Variants in KCNQ1 observed in about 807,000 individuals in gnomAD.
KCNQ1 encodes the protein potassium voltage-gated channel subfamily KQT member 1.
Under a neutral mutation model 72.4 loss-of-function variants are expected in KCNQ1, and 49 were observed. That is an observed-to-expected ratio of 0.68 (90% confidence interval 0.54 to 0.86). KCNQ1 has a LOEUF of 0.86. Ranked by LOEUF, KCNQ1 falls within the 40% of genes least tolerant of loss-of-function variation. KCNQ1 has a pLI of 0.00. For synonymous variants in KCNQ1, 450 were observed against 412.6 expected, an observed-to-expected ratio of 1.09 and a Z score of -1.10; for missense variants, 790 against 945.1, an observed-to-expected ratio of 0.84 and a Z score of 2.15.
In KCNQ1 at chr11:2,580,636, C is replaced by G. The variant is rs1848485616; in HGVS notation, c.922-2799C>G. On this transcript the variant is annotated intron_variant, in intron 6 of 15. Coordinates refer to ENST00000155840, the MANE Select transcript of KCNQ1 (RefSeq NM_000218.3). ...CCCAGCCACAGAGAGTGCTGCCGTC[C>G]CTGAGCCCAGCCCCAGCAGATCATC... Among the ~76,000 whole-genome samples, 3 of 152,266 alleles carry G rather than the reference C, an allele frequency of 2.0e-5. No individual in the cohort carries two copies. The South Asian group carries it at 6.2e-4, about 32-fold the overall frequency.
intron 11 of KCNQ1, chr11:2,697,017 A>T: frequency 2.5e-6 from 1 of 397,818 alleles, no homozygotes; most frequent in Admixed American, 4.4e-5. Context: ...TAGTCTGGGG[A>T]TTCCAGAGAG....
chr11:2,742,066 G>C (rs115469959), intron 11 of KCNQ1, among the ~76,000 whole-genome samples: 1 of 152,248 alleles, frequency 6.6e-6, no homozygotes, highest in Non-Finnish European at 1.5e-5. Context: ...TGGGTGCTGC[G>C]ACATGGTTAG....
chr11:2,477,113 G>T lies in KCNQ1; in HGVS notation c.386+31629G>T, dbSNP rs530398035. Among the ~76,000 whole-genome samples the T allele has an allele frequency of 2.0e-5, 3 of 152,354 alleles. No homozygotes were observed. In the South Asian group the frequency reaches 6.2e-4, roughly 32 times the overall value. ...TTAGGAAGAAGTGGAGACAATCTCA[G>T]TATGTGTGAGATGAATCTGAACCCT... On this transcript the variant is annotated intron_variant, in intron 1 of 15. Coordinates refer to ENST00000155840, the MANE Select transcript of KCNQ1 (RefSeq NM_000218.3). The surrounding 1 kb of genome is among the most constrained non-coding windows in gnomAD (Gnocchi z 5.0).
rs575919791 is a variant in KCNQ1, at chr11:2,716,114, T to C, written c.1515-52730T>C. 4.6e-5 allele frequency among the ~76,000 whole-genome samples: 7 copies of C among 152,356 alleles called. No individual in the cohort carries two copies. In the East Asian group the frequency reaches 1.2e-3, roughly 25 times the overall value. On this transcript the variant is annotated intron_variant, in intron 11 of 15. Transcript: ENST00000155840. ...TCGGAGCCCCTATTCCTAGCCTCCC[T>C]TGAGCGTTTTGGTTGCCGGATCCTC...
rs1241028504 is a variant in KCNQ1 at position 2,724,326 on chromosome 11, T to A, written c.1515-44518T>A. Among the ~76,000 whole-genome samples, 10 of 152,246 alleles carry A rather than the reference T, an allele frequency of 6.6e-5. No individual in the cohort carries two copies. On this transcript the variant is annotated intron_variant, in intron 11 of 15. Transcript: ENST00000155840. This position sits in a 1 kb window ranked among gnomAD's most constrained non-coding sequence, Gnocchi z 6.8. ...CGCTCCACCAGGTGACGGCCCTAAA[T>A]CCTCAGGAGTGACAGCGTCCTCCCG... is the stretch of plus-strand genomic sequence containing the variant.
chr11:2,653,247 C>T lies in KCNQ1; in HGVS notation c.1394-8714C>T, dbSNP rs560570686. The T allele has an allele frequency of 1.8e-5, 7 of 398,766 alleles. No individual in the cohort carries two copies. Among genetic ancestry groups the T allele is most frequent in the Admixed American group, 8.8e-5 (2 of 22,746 alleles). The allele number at this position is 398,766 out of a possible 1,614,324, so 24.7% of individuals were successfully genotyped here. On this transcript the variant is annotated intron_variant, in intron 10 of 15. Coordinates refer to ENST00000155840, the MANE Select transcript of KCNQ1 (RefSeq NM_000218.3). The surrounding 1 kb of genome is among the most constrained non-coding windows in gnomAD (Gnocchi z 5.3). ...CTCAGGCCAGCTTCTTTCCCACAAGCCTTCTCCCTGCCCTCTGCCCTGAAA... is the reference window on the plus strand; with the variant it reads ...CTCAGGCCAGCTTCTTTCCCACAAGTCTTCTCCCTGCCCTCTGCCCTGAAA...
In KCNQ1 at chr11:2,559,572, G is replaced by C. The variant is rs1020926101; in HGVS notation, c.478-11056G>C. 3.9e-5 allele frequency among the ~76,000 whole-genome samples: 6 copies of C among 152,178 alleles called. No homozygotes were observed. Among genetic ancestry groups the C allele is most frequent in the African/African-American group, 1.4e-4 (6 of 41,450 alleles). The stretch of plus-strand genomic sequence containing the variant: ...ACCCACTTGCAGGGCCCGGCTGCCC[G>C]GTGGATGGGAACGGCCATCCCCATG... On this transcript the variant is annotated intron_variant, in intron 2 of 15. Coordinates refer to ENST00000155840, the MANE Select transcript of KCNQ1 (RefSeq NM_000218.3). This position sits in a 1 kb window ranked among gnomAD's most constrained non-coding sequence, Gnocchi z 4.9.
intron 11 of KCNQ1, among the ~76,000 whole-genome samples, chr11:2,722,226 A>G (rs1851214332): frequency 6.6e-6 from 1 of 152,090 alleles, no homozygotes; most frequent in South Asian, 2.1e-4. Flanking sequence ...GTCCCAGGTG[A>G]TGTGTCATCT....
At position 2,538,755 on chromosome 11, in the gene KCNQ1, G is replaced by A. The variant is rs1258860040; in HGVS notation, c.477+10737G>A. Reference sequence around the variant, plus strand: ...TGTGCAGCCCACACACGGGCCTCACGTTATCTTCTGCAGGCCAGAATTGTC... The same window carrying A: ...TGTGCAGCCCACACACGGGCCTCACATTATCTTCTGCAGGCCAGAATTGTC... On this transcript the variant is annotated intron_variant, in intron 2 of 15. Coordinates refer to ENST00000155840, the MANE Select transcript of KCNQ1 (RefSeq NM_000218.3). The surrounding 1 kb of genome is among the most constrained non-coding windows in gnomAD (Gnocchi z 6.7). Among the ~76,000 whole-genome samples, 2 of 129,926 alleles carry A rather than the reference G, an allele frequency of 1.5e-5. No homozygotes were observed. Among genetic ancestry groups the A allele is most frequent in the Non-Finnish European group, 3.1e-5 (2 of 63,982 alleles). 85.2% of individuals were successfully genotyped at this position (129,926 alleles called of 152,430 possible).
At chr11:2,792,062 G>A (rs1309234502) in intron 15 of KCNQ1, among the ~76,000 whole-genome samples, 3 of 152,104 alleles carry the variant, frequency 2.0e-5, no homozygotes, top group African/African-American at 7.2e-5. Flanking sequence ...TCCCCACCCC[G>A]TTCCGCGTCC....
rs1846862824 is a variant in KCNQ1, at chr11:2,783,625, T to C, written c.1794+5588T>C. On this transcript the variant is annotated intron_variant, in intron 15 of 15. Transcript: ENST00000155840. This position sits in a 1 kb window ranked among gnomAD's most constrained non-coding sequence, Gnocchi z 5.2. Reference sequence around the variant, plus strand: ...TTATACCATTTTGCTTTCTCACCAGTAAAGTATAAAGGTTCCACTTTCTCC... The same window carrying C: ...TTATACCATTTTGCTTTCTCACCAGCAAAGTATAAAGGTTCCACTTTCTCC... Among the ~76,000 whole-genome samples, 1 of 152,100 alleles carries C rather than the reference T, an allele frequency of 6.6e-6. No homozygotes were observed. Among genetic ancestry groups the C allele is most frequent in the Admixed American group, 6.5e-5 (1 of 15,282 alleles).
At chr11:2,631,626 T>C (rs1849354453) in intron 10 of KCNQ1, 2 of 398,604 alleles carry the variant, frequency 5.0e-6, no homozygotes, top group South Asian at 2.6e-4. Context: ...AGGTGGGTGC[T>C]ATGTTTCCTT....
intron 10 of KCNQ1, chr11:2,629,556 C>T (rs1009417893): frequency 1.5e-5 from 6 of 398,418 alleles, no homozygotes; most frequent in Admixed American, 8.8e-5. Context: ...TGAGGATATC[C>T]AGTTTTCCTG....
intron 11 of KCNQ1, among the ~76,000 whole-genome samples, chr11:2,701,357 T>G (rs760060647): frequency 4.6e-5 from 7 of 152,158 alleles, no homozygotes; most frequent in Admixed American, 1.3e-4. Flanking sequence ...ACAGGCAATC[T>G]GGGCACAAGT....
chr11:2,569,759 G>A (rs1848300739), intron 2 of KCNQ1, among the ~76,000 whole-genome samples: 1 of 152,220 alleles, frequency 6.6e-6, no homozygotes, highest in South Asian at 2.1e-4. Context: ...CATGAAAGCT[G>A]CATTTTGGCA....
At chr11:2,761,595 T>C (rs2133974215) in intron 11 of KCNQ1, among the ~76,000 whole-genome samples, 1 of 152,202 alleles carries the variant, frequency 6.6e-6, no homozygotes, top group African/African-American at 2.4e-5. Flanking sequence ...CTCTTCCGTA[T>C]CACTACCAGG....
Position 2,587,764 on chromosome 11 carries a change from C to T in KCNQ1, c.1251+72C>T, listed in dbSNP as rs547729045. The T allele has an allele frequency of 1.9e-4, 304 of 1,602,730 alleles. No individual in the cohort carries two copies. In the African/African-American group the frequency reaches 3.4e-3, roughly 18 times the overall value. On this transcript the variant is annotated intron_variant, in intron 9 of 15. Transcript: ENST00000155840. ...TGGGGAGGCCGTGGGGGCCGCAGCA[C>T]GAGGCTGGGATCTCACCATGCATTT...
In KCNQ1 at chr11:2,750,492, G is replaced by A. The variant is rs1306095710; in HGVS notation, c.1515-18352G>A. ...TCCCAGGGTCTGTGTGGAATCCACC[G>A]GTTTCACCCCACGTCTTTTCCTCTC... On this transcript the variant is annotated intron_variant, in intron 11 of 15. Coordinates refer to ENST00000155840, the MANE Select transcript of KCNQ1 (RefSeq NM_000218.3). This position sits in a 1 kb window ranked among gnomAD's most constrained non-coding sequence, Gnocchi z 6.3. Among the ~76,000 whole-genome samples the A allele has an allele frequency of 6.6e-6, 1 of 152,144 alleles. No individual in the cohort carries two copies. The highest frequency in any genetic ancestry group is 1.5e-5 in the Non-Finnish European group (1 of 68,012).
At chr11:2,604,556 T>C (rs1848852837) in intron 10 of KCNQ1, among the ~76,000 whole-genome samples, 1 of 151,578 alleles carries the variant, frequency 6.6e-6, no homozygotes, top group African/African-American at 2.4e-5. Context: ...GATCACTATC[T>C]TTTTTTTGAG....
Sources: gnomAD v4.1 joint callset for allele counts (sites outside exome capture counted in the v4.1 genomes callset) on GRCh38, gnomAD v4.1.1 for gene constraint, Gnocchi (gnomAD v3.1) non-coding constraint, MANE v1.5 for transcripts, NCBI Gene and HGNC (gene_info 2026-07-23, HGNC 2026-07-21) for gene names.